Variants in PREX1 observed in about 807,000 individuals in gnomAD.
PREX1 encodes phosphatidylinositol-3,4,5-trisphosphate dependent Rac exchange factor 1, also known as phosphatidylinositol 3,4,5-trisphosphate-dependent Rac exchanger 1 protein.
Under a neutral mutation model 198.3 loss-of-function variants are expected in PREX1, and 41 were observed. The ratio of observed to expected loss-of-function variants is 0.21; its 90% CI spans 0.16 to 0.27. The LOEUF (loss-of-function observed/expected upper bound fraction) is 0.27. Ranked by LOEUF, PREX1 falls within the 10% of genes least tolerant of loss-of-function variation. The probability of loss-of-function intolerance (pLI) is 1.00; values close to 1 mark genes in which losing one functional copy is unlikely to be tolerated. For synonymous variants in PREX1, 843 were observed against 887.2 expected (o/e 0.95, Z 0.89); for missense variants, 1,620 against 2,200.7 (o/e 0.74, Z 5.28).
chr20:48,830,649 C>A (rs2090535264), upstream of PREX1, among the ~76,000 whole-genome samples: 1 of 152,242 alleles, frequency 6.6e-6, no homozygotes, highest in Admixed American at 6.5e-5. Context: ...TACATCGTTA[C>A]TTCCTCAGAT....
chr20:48,636,391 C>G, intron 32 of PREX1, 72 bp downstream of exon 32: 1 of 1,452,360 alleles, frequency 6.9e-7, no homozygotes, highest in Non-Finnish European at 9.2e-7. Flanking sequence ...TGGGCAAGGG[C>G]TCCCTCGACC....
the PREX1 span, among the ~76,000 whole-genome samples, chr20:48,876,655 T>TC: frequency 6.6e-6 from 1 of 151,998 alleles, no homozygotes; most frequent in Non-Finnish European, 1.5e-5. Flanking sequence ...TAGGGAGCAC[T>TC]CCCCAAACAG....
At position 48,681,329 on chromosome 20, in the gene PREX1, G is replaced by A. The variant is rs2089748599; in HGVS notation, c.1341C>T (p.Phe447=). 4.3e-6 allele frequency: 7 copies of A among 1,614,108 alleles called. No individual in the cohort carries two copies. Among genetic ancestry groups the A allele is most frequent in the African/African-American group, 1.3e-5 (1 of 75,046 alleles). ...CACCAATTTCTAGGAGCCAGGCAAC[G>A]AACTCACTGCCAGGAACACAATATG... The part of the protein sequence containing the change: ...TVPKCFLGNE[F]VAWLLEIGEI... Residue 447 remains phenylalanine, a synonymous_variant, in exon 11 of 40, where the codon TTC becomes TTT. Coordinates refer to ENST00000371941, the MANE Select transcript of PREX1 (RefSeq NM_020820.4).
chr20:48,673,367 A>G (rs2089688707), intron 14 of PREX1, among the ~76,000 whole-genome samples: 2 of 152,128 alleles, frequency 1.3e-5, no homozygotes, highest in South Asian at 4.1e-4. Flanking sequence ...CGTCTCTTCT[A>G]TCTCCAAATA....
chr20:48,819,982 CGGCCAAT>C, intron 1 of PREX1, among the ~76,000 whole-genome samples: 1 of 152,356 alleles, frequency 6.6e-6, no homozygotes, highest in South Asian at 2.1e-4. Flanking sequence ...TGGGTCCTGA[CGGCCAAT>C]GGCCACCTGC....
At chr20:48,721,891 A>T (rs532568283) in intron 5 of PREX1, among the ~76,000 whole-genome samples, 2 of 151,916 alleles carry the variant, frequency 1.3e-5, no homozygotes, top group Admixed American at 1.3e-4. Flanking sequence ...GGAAAGAGGG[A>T]CACCAAATGT....
chr20:48,800,048 G>C (rs1247222043), intron 1 of PREX1, among the ~76,000 whole-genome samples: 1 of 152,218 alleles, frequency 6.6e-6, no homozygotes. Flanking sequence ...AACAGTCTCA[G>C]CTTCTCTCCT....
chr20:48,637,457 A>G lies in PREX1; in HGVS notation c.3946+254T>C, dbSNP rs2089373610. On this transcript the variant is annotated intron_variant, in intron 31 of 39. Transcript: ENST00000371941. ...CTCTACCGGCACAAGGCCCCCTAACATCGTCCTCTATCCCGGGGCCCCGTC... is the reference window on the plus strand; with the variant it reads ...CTCTACCGGCACAAGGCCCCCTAACGTCGTCCTCTATCCCGGGGCCCCGTC... Among the ~76,000 whole-genome samples, 3 of 152,158 alleles carry G rather than the reference A, an allele frequency of 2.0e-5. No individual in the cohort carries two copies. The South Asian group carries it at 6.2e-4, about 32-fold the overall frequency.
chr20:48,721,350 T>C (rs1279952005), intron 5 of PREX1, among the ~76,000 whole-genome samples: 1 of 152,142 alleles, frequency 6.6e-6, no homozygotes, highest in East Asian at 1.9e-4. Context: ...GGACAGAGAA[T>C]GGCAGAGGCA....
intron 4 of PREX1, among the ~76,000 whole-genome samples, chr20:48,733,948 TCA>T (rs1192388059): frequency 1.3e-5 from 2 of 152,156 alleles, no homozygotes; most frequent in Non-Finnish European, 2.9e-5. Flanking sequence ...AGACAGGGTT[TCA>T]CCATGTTGGC....
At chr20:48,689,173 A>C (rs1452840101) in intron 9 of PREX1, among the ~76,000 whole-genome samples, 1 of 152,188 alleles carries the variant, frequency 6.6e-6, no homozygotes, top group South Asian at 2.1e-4. Context: ...AGGTTATCAG[A>C]AAACTTGTCA....
intron 1 of PREX1, among the ~76,000 whole-genome samples, chr20:48,759,802 AC>A (rs2090171320): frequency 6.6e-6 from 1 of 152,048 alleles, no homozygotes. Flanking sequence ...TGCTCAAAAA[AC>A]ATTAGCTATT....
upstream of PREX1, among the ~76,000 whole-genome samples, chr20:48,831,652 G>C (rs1431317757): frequency 6.6e-6 from 1 of 152,192 alleles, no homozygotes; most frequent in African/African-American, 2.4e-5. Context: ...CTGGCTTCCT[G>C]GTGTGTCCAG....
At chr20:48,744,449 G>A (rs2090098563) in intron 3 of PREX1, among the ~76,000 whole-genome samples, 1 of 152,160 alleles carries the variant, frequency 6.6e-6, no homozygotes. Context: ...TCTGTGAGGG[G>A]GGTCCCAGGT....
chr20:48,656,778 C>G (rs1210649278), intron 18 of PREX1, among the ~76,000 whole-genome samples: 1 of 152,230 alleles, frequency 6.6e-6, no homozygotes, highest in African/African-American at 2.4e-5. Flanking sequence ...CTGCCTCCTC[C>G]CCCAACTAGA....
chr20:48,665,316 G>A (rs576004966), intron 15 of PREX1, among the ~76,000 whole-genome samples: 2 of 146,382 alleles, frequency 1.4e-5, no homozygotes, highest in South Asian at 4.4e-4. Context: ...TTCTAATCCT[G>A]GTTCCAGACG....
chr20:48,790,026 G>A (rs2090331112), intron 1 of PREX1, among the ~76,000 whole-genome samples: 1 of 152,204 alleles, frequency 6.6e-6, no homozygotes, highest in African/African-American at 2.4e-5. Context: ...AGAAGTAGTA[G>A]AGTGCTGTAG....
chr20:48,874,444 T>C, the PREX1 span, among the ~76,000 whole-genome samples: 1 of 149,464 alleles, frequency 6.7e-6, no homozygotes, highest in Non-Finnish European at 1.5e-5. Context: ...TGTCGTGTGA[T>C]TTAGGAGAGT....
At chr20:48,700,039 TCAC>T (rs1015263125) in intron 7 of PREX1, among the ~76,000 whole-genome samples, 1 of 152,092 alleles carries the variant, frequency 6.6e-6, no homozygotes, top group Non-Finnish European at 1.5e-5. Context: ...ACACAACCCG[TCAC>T]CACACTTCCC....
Sources: allele counts gnomAD v4.1 joint callset (sites outside exome capture counted in the v4.1 genomes callset), GRCh38; gene constraint gnomAD v4.1.1; transcripts MANE v1.5; gene names NCBI Gene and HGNC (gene_info 2026-07-23, HGNC 2026-07-21).